ITGB1BP2: variants seen among roughly 807,000 people sequenced by gnomAD.
The protein encoded by ITGB1BP2 is integrin subunit beta 1 binding protein 2.
ITGB1BP2 carries 27 observed loss-of-function variants against 32.2 expected under a neutral mutation model. The observed-to-expected ratio is 0.84, with a 90% confidence interval of 0.62 to 1.16. The LOEUF is 1.16. ITGB1BP2 is among the 50% of genes most tolerant of loss of function. The pLI is 0.00. For missense variants in ITGB1BP2, 250 were observed against 267.3 expected (o/e 0.94, Z 0.45); for synonymous variants, 105 against 94.7 (o/e 1.11, Z -0.63).
intron 4 of ITGB1BP2, 135 bp downstream of exon 4, chrX:71,302,691 A>G: frequency 4.3e-6 from 3 of 703,209 alleles, no homozygotes; most frequent in Non-Finnish European, 6.1e-6. Context: ...GATGGTGTAT[A>G]TCCTGTGCCT....
chrX:71,305,042 A>G lies in ITGB1BP2; in HGVS notation c.894A>G (p.Gly298=), dbSNP rs780535994. Residue 298 remains glycine, a synonymous_variant, in exon 11 of 11, where the codon GGA becomes GGG. Transcript: ENST00000373829. ...VEISLVKADP[G]SWAQLEHPDA... is the part of the protein sequence containing the mutation. ...TCTCCCTGGTCAAGGCTGACCCAGG[A>G]TCCTGGGCCCAGCTGGAGCACCCTG... The G allele has an allele frequency of 8.3e-7, 1 of 1,211,522 alleles. No homozygotes were observed. The highest frequency in any genetic ancestry group is 1.8e-5 in the South Asian group (1 of 56,969).
In ITGB1BP2 at chrX:71,305,125, C is replaced by CGAAA; in HGVS notation, c.977_978insGAAA (p.Asp327LysfsTer2). 8.3e-7 allele frequency: 1 copy of CGAAA among 1,210,299 alleles called. No individual in the cohort carries two copies. Among genetic ancestry groups the CGAAA allele is most frequent in the Admixed American group, 2.2e-5 (1 of 45,827 alleles). ...GTGTTAGAGATGGATGAGGAAGAAT[C>CGAAA]TGACGATTCAGATGATGATCTGAGC... is the stretch of plus-strand genomic sequence containing the variant. On this transcript the variant is annotated frameshift_variant, in exon 11 of 11. Transcript: ENST00000373829. LOFTEE classifies it high-confidence loss of function.
At position 71,305,355 on chromosome X, in the gene ITGB1BP2, T is replaced by A; in HGVS notation, c.*163T>A. ...CTGTTTTTTTCCCTTAAATAAATCT[T>A]GTATTCTTCAGTTTCACATAGTGTC... On this transcript the variant is annotated 3_prime_UTR_variant, in exon 11 of 11. Coordinates refer to ENST00000373829, the MANE Select transcript of ITGB1BP2 (RefSeq NM_012278.4). 1 of 451,538 alleles carries A rather than the reference T, an allele frequency of 2.2e-6. No homozygotes were observed. Among genetic ancestry groups the A allele is most frequent in the South Asian group, 3.4e-5 (1 of 29,672 alleles). The allele number at this position is 451,538 out of a possible 1,213,427, so 37.2% of individuals were successfully genotyped here.
Position 71,304,195 on chromosome X carries a change from A to G in ITGB1BP2, c.648A>G (p.Ala216=), listed in dbSNP as rs1433686734. 8.3e-7 allele frequency: 1 copy of G among 1,205,988 alleles called. No individual in the cohort carries two copies. The highest frequency in any genetic ancestry group is 1.1e-6 in the Non-Finnish European group (1 of 890,265). Residue 216 remains alanine, a synonymous_variant, in exon 9 of 11, where the codon GCA becomes GCG. Coordinates refer to ENST00000373829, the MANE Select transcript of ITGB1BP2 (RefSeq NM_012278.4). Reference sequence around the variant, plus strand: ...TCACATCTTCTCTTTAGCTCCCAGCATCTTGCCGCCATGATTGGCACCAGA... The same window carrying G: ...TCACATCTTCTCTTTAGCTCCCAGCGTCTTGCCGCCATGATTGGCACCAGA... ...GRHDWGKQLP[A]SCRHDWHQTD...
At chrX:71,304,410 G>A in intron 9 of ITGB1BP2, 110 bp downstream of exon 9, 3 of 854,118 alleles carry the variant, frequency 3.5e-6, no homozygotes, top group South Asian at 2.2e-5. Flanking sequence ...AGTACCCTTA[G>A]AGGAAAGGAG....
Position 71,302,032 on chromosome X carries a change from CATT to C in ITGB1BP2, c.65-102_65-100del, listed in dbSNP as rs924516404. ...TTGCTGGCTTTTTTTTTTTTCTTCA[CATT>C]ATATGGGAAGAAACCATAAATAGAA... On this transcript the variant is annotated intron_variant, in intron 1 of 10. Coordinates refer to ENST00000373829, the MANE Select transcript of ITGB1BP2 (RefSeq NM_012278.4). 17 of 924,108 alleles carry C rather than the reference CATT, an allele frequency of 1.8e-5. No homozygotes were observed. The African/African-American group carries it at 2.3e-4, about 12-fold the overall frequency. 76.2% of individuals were successfully genotyped at this position (924,108 alleles called of 1,213,427 possible).
rs186557842 is a variant in ITGB1BP2 at position 71,302,036 on chromosome X, A to G, written c.65-101A>G. On this transcript the variant is annotated intron_variant, in intron 1 of 10. Coordinates refer to ENST00000373829, the MANE Select transcript of ITGB1BP2 (RefSeq NM_012278.4). Reference sequence around the variant, plus strand: ...TGGCTTTTTTTTTTTTCTTCACATTATATGGGAAGAAACCATAAATAGAAA... The same window carrying G: ...TGGCTTTTTTTTTTTTCTTCACATTGTATGGGAAGAAACCATAAATAGAAA... 6.2e-5 allele frequency: 59 copies of G among 949,209 alleles called. No homozygotes were observed. In the African/African-American group the frequency reaches 6.7e-4, roughly 11 times the overall value. The allele number at this position is 949,209 out of a possible 1,213,427, so 78.2% of individuals were successfully genotyped here. A position where few individuals can be genotyped will look rare whatever the true frequency, so the allele number is the denominator to read the frequency against.
chrX:71,304,097 ACTCT>A (rs2031658591), intron 8 of ITGB1BP2, 86 bp from the exon 9 acceptor site: 2 of 770,990 alleles, frequency 2.6e-6, no homozygotes, highest in Non-Finnish European at 3.9e-6. Flanking sequence ...TCTTTTTGAG[ACTCT>A]CTGTCTCTTC....
intron 9 of ITGB1BP2, 26 bp from the exon 10 acceptor site, chrX:71,304,516 C>T: frequency 3.4e-6 from 4 of 1,192,310 alleles, no homozygotes; most frequent in Non-Finnish European, 4.5e-6. Flanking sequence ...GGGTTTGTTA[C>T]TACCCCTGTA....
chrX:71,304,740 C>A, intron 10 of ITGB1BP2, 136 bp downstream of exon 10: 1 of 535,473 alleles, frequency 1.9e-6, no homozygotes. Context: ...TTCATTTTCT[C>A]TCTCTCTCCT....
Position 71,302,395 on chromosome X carries a change from TC to T in ITGB1BP2, c.172-14del. ...GAAGGATTCTATCCCTAATCCTATC[TC>T]CTTATCTATACTAGGGCTGTACTAT... On this transcript the variant is annotated splice_polypyrimidine_tract_variant and intron_variant, in intron 3 of 10. Coordinates refer to ENST00000373829, the MANE Select transcript of ITGB1BP2 (RefSeq NM_012278.4). 8.3e-7 allele frequency: 1 copy of T among 1,210,936 alleles called. No homozygotes were observed. The highest frequency in any genetic ancestry group is 1.1e-6 in the Non-Finnish European group (1 of 895,064).
At position 71,302,548 on chromosome X, in the gene ITGB1BP2, G is replaced by A. The variant is rs753500359; in HGVS notation, c.309G>A (p.Glu103=). The A allele has an allele frequency of 1.5e-5, 18 of 1,204,578 alleles. No individual in the cohort carries two copies. The highest frequency in any genetic ancestry group is 3.5e-5 in the African/African-American group (2 of 56,787). Residue 103 remains glutamate (E), a synonymous_variant, in exon 4 of 11, where the codon GAG becomes GAA. Coordinates refer to ENST00000373829, the MANE Select transcript of ITGB1BP2 (RefSeq NM_012278.4). ...IPKSAETLRR[E]RPKSELPLKL... Reference sequence around the variant, plus strand: ...AGTCAGCAGAGACCTTGCGCCGGGAGAGGCCCAAGTAAAGAGGAGGAGGCC... The same window carrying A: ...AGTCAGCAGAGACCTTGCGCCGGGAAAGGCCCAAGTAAAGAGGAGGAGGCC...
At position 71,305,224 on chromosome X, in the gene ITGB1BP2, C is replaced by T. The variant is rs769110973; in HGVS notation, c.*32C>T. On this transcript the variant is annotated 3_prime_UTR_variant, in exon 11 of 11. Transcript: ENST00000373829. Reference sequence around the variant, plus strand: ...CAGACAGTTGATGTCTAGATAGGACCTCAATGATTCCCTTAGAATCTTAGA... The same window carrying T: ...CAGACAGTTGATGTCTAGATAGGACTTCAATGATTCCCTTAGAATCTTAGA... 1 of 1,070,427 alleles carries T rather than the reference C, an allele frequency of 9.3e-7. No homozygotes were observed. Among genetic ancestry groups the T allele is most frequent in the African/African-American group, 1.8e-5 (1 of 54,853 alleles). 88.2% of individuals were successfully genotyped at this position (1,070,427 alleles called of 1,213,427 possible).
chrX:71,303,611 A>G lies in ITGB1BP2; in HGVS notation c.469-16A>G. On this transcript the variant is annotated splice_polypyrimidine_tract_variant and intron_variant, in intron 6 of 10. Transcript: ENST00000373829. ...ATATACCTTAGAATGACCTGGTTCTACTTTATCCTTCTTAGGTTTACCAAG... is the reference window on the plus strand; with the variant it reads ...ATATACCTTAGAATGACCTGGTTCTGCTTTATCCTTCTTAGGTTTACCAAG... 1 of 1,208,831 alleles carries G rather than the reference A, an allele frequency of 8.3e-7. No individual in the cohort carries two copies. Among genetic ancestry groups the G allele is most frequent in the Non-Finnish European group, 1.1e-6 (1 of 893,480 alleles).
At chrX:71,302,632 C>A in intron 4 of ITGB1BP2, 76 bp downstream of exon 4, 1 of 1,051,332 alleles carries the variant, frequency 9.5e-7, no homozygotes, top group Non-Finnish European at 1.3e-6. Context: ...TCATTGAGGA[C>A]TGGGAACTAG....
intron 9 of ITGB1BP2, 54 bp from the exon 10 acceptor site, chrX:71,304,488 G>A: frequency 1.8e-6 from 2 of 1,100,407 alleles, no homozygotes; most frequent in Middle Eastern, 2.4e-4. Flanking sequence ...CTGTCGTAAT[G>A]ACCTATTCTG....
At chrX:71,302,027 C>A in intron 1 of ITGB1BP2, 110 bp from the exon 2 acceptor site, 3 of 828,382 alleles carry the variant, frequency 3.6e-6, no homozygotes, top group Non-Finnish European at 5.0e-6. Flanking sequence ...TTTTTTTTTT[C>A]TTCACATTAT....
At position 71,302,013 on chromosome X, in the gene ITGB1BP2, G is replaced by C. The variant is rs2031619288; in HGVS notation, c.65-124G>C. ...CTGAGTGATCTTACAGCCTTTGCTG[G>C]CTTTTTTTTTTTTCTTCACATTATA... is the stretch of plus-strand genomic sequence containing the variant. On this transcript the variant is annotated intron_variant, in intron 1 of 10. Coordinates refer to ENST00000373829, the MANE Select transcript of ITGB1BP2 (RefSeq NM_012278.4). 4 of 867,912 alleles carry C rather than the reference G, an allele frequency of 4.6e-6. No homozygotes were observed. The South Asian group carries it at 7.2e-5, about 16-fold the overall frequency. The allele number at this position is 867,912 out of a possible 1,213,427, so 71.5% of individuals were successfully genotyped here.
rs182157074 is a variant in ITGB1BP2 at position 71,303,780 on chromosome X, G to A, written c.540-32G>A. On this transcript the variant is annotated intron_variant, in intron 7 of 10. Coordinates refer to ENST00000373829, the MANE Select transcript of ITGB1BP2 (RefSeq NM_012278.4). Reference sequence around the variant, plus strand: ...GGTCATAAGATAATATTGGGGGTGAGAGAATTCAGTTGAATTATCTTCCTA... The same window carrying A: ...GGTCATAAGATAATATTGGGGGTGAAAGAATTCAGTTGAATTATCTTCCTA... 3.6e-5 allele frequency: 42 copies of A among 1,182,738 alleles called. No individual in the cohort carries two copies. In the African/African-American group the frequency reaches 7.1e-4, roughly 20 times the overall value.
Sources: gnomAD v4.1 joint callset for allele counts on GRCh38, gnomAD v4.1.1 for gene constraint, MANE v1.5 for transcripts, NCBI Gene and HGNC (gene_info 2026-07-23, HGNC 2026-07-21) for gene names.